Variants in ETV6 observed in about 807,000 individuals in gnomAD.
ETV6 encodes the protein ETS variant transcription factor 6.
Under a neutral mutation model 51.1 loss-of-function variants are expected in ETV6, and 16 were observed. The observed-to-expected ratio is 0.31, with a 90% CI of 0.21 to 0.48. The LOEUF (loss-of-function observed/expected upper bound fraction) is 0.48. Ranked by LOEUF, ETV6 falls within the 20% of genes least tolerant of loss-of-function variation. The pLI is 0.99. For missense variants in ETV6, 458 were observed against 594.8 expected, an observed-to-expected ratio of 0.77 and a Z score of 2.39; for synonymous variants, 240 against 224.1, an observed-to-expected ratio of 1.07 and a Z score of -0.64.
chr12:11,691,881 A>G (rs561542437), intron 1 of ETV6, among the ~76,000 whole-genome samples: 1 of 152,342 alleles, frequency 6.6e-6, no homozygotes, highest in East Asian at 1.9e-4. Flanking sequence ...ATTATTTTGA[A>G]ACCAGCAGTA....
chr12:11,650,344 T>TCCCCC (rs145552837), intron 1 of ETV6, among the ~76,000 whole-genome samples, 184 bp downstream of exon 1: 15 of 127,482 alleles, frequency 1.2e-4, no homozygotes, highest in Non-Finnish European at 1.8e-4. Flanking sequence ...ACCTTGCTAC[T>TCCCCC]CCCCCCCACC....
At chr12:11,802,094 T>G (rs1257823343) in intron 2 of ETV6, among the ~76,000 whole-genome samples, 2 of 152,210 alleles carry the variant, frequency 1.3e-5, no homozygotes, top group Non-Finnish European at 2.9e-5. Flanking sequence ...CTGGGGAAAC[T>G]TCCTGTTGGT....
intron 2 of ETV6, among the ~76,000 whole-genome samples, chr12:11,776,875 G>A (rs918817567): frequency 2.6e-5 from 4 of 152,170 alleles, no homozygotes; most frequent in African/African-American, 9.7e-5. Context: ...GAGCAGCAGA[G>A]GCCACCACCA....
chr12:11,749,287 AT>A, intron 1 of ETV6, among the ~76,000 whole-genome samples: 1 of 56,898 alleles, frequency 1.8e-5, no homozygotes. Flanking sequence ...TATCCCCCCC[AT>A]ACACACACAC....
intron 4 of ETV6, among the ~76,000 whole-genome samples, chr12:11,854,588 GAATAA>G (rs1044314594): frequency 2.6e-5 from 4 of 152,144 alleles, no homozygotes; most frequent in Non-Finnish European, 5.9e-5. Context: ...ACTCCAAATA[GAATAA>G]AATAAATAAA....
chr12:11,662,290 G>C (rs755643359), intron 1 of ETV6, among the ~76,000 whole-genome samples: 1 of 152,098 alleles, frequency 6.6e-6, no homozygotes, highest in Non-Finnish European at 1.5e-5. Flanking sequence ...AAGGAAGAAA[G>C]GTAGGTGAGC....
At chr12:11,862,635 G>T (rs1299894912) in intron 4 of ETV6, among the ~76,000 whole-genome samples, 1 of 152,144 alleles carries the variant, frequency 6.6e-6, no homozygotes, top group South Asian at 2.1e-4. Flanking sequence ...TTCTTCCCCT[G>T]TGTATGTCTG....
chr12:11,733,490 C>CATCTTGTTT (rs2120986913), intron 1 of ETV6, among the ~76,000 whole-genome samples: 1 of 151,184 alleles, frequency 6.6e-6, no homozygotes, highest in South Asian at 2.1e-4. Flanking sequence ...TCTGACATAT[C>CATCTTGTTT]ATCTTGTTTT....
chr12:11,682,448 T>C (rs1246787099), intron 1 of ETV6, among the ~76,000 whole-genome samples: 1 of 152,228 alleles, frequency 6.6e-6, no homozygotes, highest in African/African-American at 2.4e-5. Context: ...AAGTTCCTTC[T>C]AGATTCTGGA....
In ETV6 at chr12:11,892,343, G is replaced by GCAGA. The variant is rs2136620163; in HGVS notation, c.*1301_*1304dup. ...TGCAATCAGTGTGTGCCCAGCCTGGGCAGACAGGAAATTCCTCGGATACAT... is the reference window on the plus strand; with the variant it reads ...TGCAATCAGTGTGTGCCCAGCCTGGGCAGACAGACAGGAAATTCCTCGGATACAT... On this transcript the variant is annotated 3_prime_UTR_variant, in exon 8 of 8. Transcript: ENST00000396373. 4.3e-6 allele frequency: 1 copy of GCAGA among 232,760 alleles called. No homozygotes were observed. The highest frequency in any genetic ancestry group is 2.2e-5 in the African/African-American group (1 of 45,286). 14.4% of individuals were successfully genotyped at this position (232,760 alleles called of 1,614,324 possible). A position where few individuals can be genotyped will look rare whatever the true frequency, so the allele number is the denominator to read the frequency against.
chr12:11,693,702 G>C (rs969096650), intron 1 of ETV6, among the ~76,000 whole-genome samples: 1 of 152,126 alleles, frequency 6.6e-6, no homozygotes, highest in Non-Finnish European at 1.5e-5. Context: ...ACCCACTTCT[G>C]GTGTCCTTCA....
chr12:11,867,023 A>G (rs1453100360), intron 4 of ETV6, among the ~76,000 whole-genome samples: 2 of 152,258 alleles, frequency 1.3e-5, no homozygotes, highest in African/African-American at 4.8e-5. Flanking sequence ...TAGGGCAGTT[A>G]GGAGATCAAC....
intron 1 of ETV6, among the ~76,000 whole-genome samples, chr12:11,697,873 C>T (rs183217533): frequency 2.0e-4 from 31 of 152,172 alleles, no homozygotes; most frequent in African/African-American, 7.0e-4. Flanking sequence ...AACTAAGCCC[C>T]GAGAGATTTC....
chr12:11,775,159 A>G (rs968537851), intron 2 of ETV6, among the ~76,000 whole-genome samples: 9 of 152,216 alleles, frequency 5.9e-5, no homozygotes, highest in Admixed American at 3.3e-4. Context: ...TTCACTGTTA[A>G]TAATTGGGAG....
chr12:11,744,296 G>A (rs1193323694), intron 1 of ETV6, among the ~76,000 whole-genome samples: 1 of 152,196 alleles, frequency 6.6e-6, no homozygotes, highest in Non-Finnish European at 1.5e-5. Context: ...AAAGGGAATA[G>A]CATTAATGGA....
chr12:11,762,731 A>G (rs2213232), intron 2 of ETV6, among the ~76,000 whole-genome samples: 1,538 of 152,324 alleles, frequency 0.01, 22 homozygotes, highest in Admixed American at 0.04. Flanking sequence ...AGTATTTCTA[A>G]ATAGAGGCCC....
At chr12:11,848,203 A>T (rs56338611) in intron 3 of ETV6, among the ~76,000 whole-genome samples, 7,835 of 152,256 alleles carry the variant, frequency 0.051, 297 homozygotes, top group Non-Finnish European at 0.074. Flanking sequence ...TCCTTATAAC[A>T]GCCCTGCCAA....
At chr12:11,727,089 A>T (rs759768059) in intron 1 of ETV6, among the ~76,000 whole-genome samples, 1 of 152,192 alleles carries the variant, frequency 6.6e-6, no homozygotes, top group Non-Finnish European at 1.5e-5. Context: ...GGGAAGAGAC[A>T]TTGTCTGTAT....
At chr12:11,868,094 G>A (rs541800372) in intron 4 of ETV6, among the ~76,000 whole-genome samples, 62 of 152,322 alleles carry the variant, frequency 4.1e-4, no homozygotes, top group African/African-American at 1.5e-3. Context: ...ACTTCTGCCT[G>A]TCTCTGAGCA....
Sources: allele counts gnomAD v4.1 joint callset (sites outside exome capture counted in the v4.1 genomes callset), GRCh38; gene constraint gnomAD v4.1.1; transcripts MANE v1.5; gene names NCBI Gene and HGNC (gene_info 2026-07-23, HGNC 2026-07-21).